The following DNAH6 variants were observed in gnomAD, a reference collection of about 807,000 sequenced individuals.
DNAH6 encodes the protein dynein axonemal heavy chain 6.
In DNAH6, 340 loss-of-function variants were observed where a neutral mutation model predicts 491.4. The observed-to-expected ratio is 0.69, with a 90% CI of 0.63 to 0.76. The LOEUF (loss-of-function observed/expected upper bound fraction) is 0.76. Ranked by LOEUF, DNAH6 falls within the 30% of genes least tolerant of loss-of-function variation. The pLI is 0.00. For missense variants in DNAH6, 4,443 were observed against 4,972.2 expected, an observed-to-expected ratio of 0.89 and a Z score of 3.20; for synonymous variants, 1,603 against 1,686.1, an observed-to-expected ratio of 0.95 and a Z score of 1.21.
intron 31 of DNAH6, among the ~76,000 whole-genome samples, chr2:84,637,775 G>A (rs1178089081): frequency 1.3e-5 from 2 of 152,200 alleles, no homozygotes; most frequent in East Asian, 3.9e-4. Flanking sequence ...TCCTCACTAT[G>A]AAGTGGTTGG....
intron 51 of DNAH6, among the ~76,000 whole-genome samples, chr2:84,705,256 G>T (rs996950648): frequency 2.6e-5 from 4 of 152,164 alleles, no homozygotes; most frequent in Admixed American, 2.0e-4. Context: ...CTGTGATTTT[G>T]TAATTCTTTC....
rs1688671166 is a variant in DNAH6 at position 84,634,342 on chromosome 2, T to G, written c.4516-162T>G. Among the ~76,000 whole-genome samples the G allele has an allele frequency of 2.0e-5, 3 of 152,354 alleles. 1 individual carries two copies. The highest frequency in any genetic ancestry group is 3.4e-3 in the Middle Eastern group (1 of 294). On this transcript the variant is annotated intron_variant, in intron 29 of 76. Coordinates refer to ENST00000389394, the MANE Select transcript of DNAH6 (RefSeq NM_001370.2). ...AGAGACTCAAAAACATATTTCCTCT[T>G]GTAGAAAAGTGTTTACTTCTGACAT...
chr2:84,598,797 C>T (rs113646103), intron 18 of DNAH6, among the ~76,000 whole-genome samples: 6,161 of 152,082 alleles, frequency 0.041, 404 homozygotes, highest in African/African-American at 0.14. Flanking sequence ...TTTGGGAGGC[C>T]GAGGCAGGTG....
At chr2:84,796,470 A>G in intron 69 of DNAH6, 45 bp downstream of exon 69, 1 of 1,447,160 alleles carries the variant, frequency 6.9e-7, no homozygotes, top group Non-Finnish European at 9.2e-7. Flanking sequence ...TCCCAAGAAG[A>G]TGTTGACAGC....
intron 21 of DNAH6, 81 bp from the exon 22 acceptor site, chr2:84,611,593 C>A: frequency 8.3e-7 from 1 of 1,201,190 alleles, no homozygotes; most frequent in Non-Finnish European, 1.2e-6. Context: ...TACAGTGATT[C>A]CCTGTGTCAT....
intron 33 of DNAH6, among the ~76,000 whole-genome samples, chr2:84,643,904 T>TTTTG (rs1169681416): frequency 6.6e-6 from 1 of 152,136 alleles, no homozygotes; most frequent in African/African-American, 2.4e-5. Context: ...TTGTGTTTTT[T>TTTTG]TTTGTTTTAT....
intron 62 of DNAH6, among the ~76,000 whole-genome samples, chr2:84,742,963 T>C (rs1008860291): frequency 1.3e-5 from 2 of 152,246 alleles, no homozygotes; most frequent in Non-Finnish European, 2.9e-5. Flanking sequence ...AATAAATGCA[T>C]TAACTTATTG....
intron 18 of DNAH6, among the ~76,000 whole-genome samples, chr2:84,601,039 C>T (rs139047391): frequency 1.1e-4 from 15 of 142,270 alleles, no homozygotes; most frequent in African/African-American, 3.3e-4. Flanking sequence ...TATTATTATA[C>T]TATAATAATA....
chr2:84,703,989 C>T, intron 50 of DNAH6, 78 bp from the exon 51 acceptor site: 2 of 1,081,008 alleles, frequency 1.9e-6, no homozygotes, highest in Non-Finnish European at 1.3e-6. Flanking sequence ...GCAAATATGA[C>T]TCACTATTAT....
chr2:84,707,870 A>G (rs192187861), intron 54 of DNAH6, among the ~76,000 whole-genome samples, 154 bp downstream of exon 54: 4 of 152,308 alleles, frequency 2.6e-5, no homozygotes, highest in Admixed American at 6.5e-5. Flanking sequence ...TCACTCCCCA[A>G]TAAGCCAGTG....
chr2:84,681,301 A>G, intron 41 of DNAH6, 56 bp from the exon 42 acceptor site: 2 of 1,373,700 alleles, frequency 1.5e-6, no homozygotes, highest in South Asian at 1.6e-5. Flanking sequence ...TATTTAAAAG[A>G]TAGATATTTG....
At chr2:84,644,129 A>G (rs1689673027) in intron 33 of DNAH6, among the ~76,000 whole-genome samples, 2 of 152,170 alleles carry the variant, frequency 1.3e-5, no homozygotes, top group African/African-American at 2.4e-5. Context: ...GGTAGGCTTC[A>G]TAAGTGTTTC....
chr2:84,678,921 C>G (rs1041095092), intron 41 of DNAH6, among the ~76,000 whole-genome samples: 2 of 152,128 alleles, frequency 1.3e-5, no homozygotes, highest in African/African-American at 4.8e-5. Flanking sequence ...GGTATTTTGC[C>G]TGTAGGAAAA....
chr2:84,571,067 A>G (rs1210838925), intron 11 of DNAH6, among the ~76,000 whole-genome samples: 2 of 152,236 alleles, frequency 1.3e-5, no homozygotes, highest in African/African-American at 2.4e-5. Context: ...CGCTGGGACA[A>G]TTTGATCACT....
At chr2:84,523,211 T>A (rs1013048628) in intron 2 of DNAH6, among the ~76,000 whole-genome samples, 6 of 152,126 alleles carry the variant, frequency 3.9e-5, no homozygotes, top group African/African-American at 1.4e-4. Context: ...AATTTATCCA[T>A]CCCCTCTAGG....
At chr2:84,686,659 G>A in intron 44 of DNAH6, 102 bp downstream of exon 44, 1 of 723,602 alleles carries the variant, frequency 1.4e-6, no homozygotes, top group South Asian at 2.2e-5. Flanking sequence ...TGTGTGAGGA[G>A]TTAAGATCTA....
intron 35 of DNAH6, among the ~76,000 whole-genome samples, chr2:84,656,093 TATTC>T (rs2104577959): frequency 6.6e-6 from 1 of 152,276 alleles, no homozygotes; most frequent in African/African-American, 2.4e-5. Context: ...CACTTGGTAA[TATTC>T]ATTTAAGATA....
chr2:84,466,536 A>C, the DNAH6 span, among the ~76,000 whole-genome samples: 1 of 152,238 alleles, frequency 6.6e-6, no homozygotes, highest in East Asian at 1.9e-4. Flanking sequence ...CGATTCTGAA[A>C]AACAAAACAA....
At chr2:84,615,842 C>G (rs1028843684) in intron 22 of DNAH6, among the ~76,000 whole-genome samples, 2 of 151,814 alleles carry the variant, frequency 1.3e-5, no homozygotes, top group Admixed American at 6.6e-5. Context: ...CTTGATTTGA[C>G]TTTCAGCTTG....
Sources: allele counts gnomAD v4.1 joint callset (sites outside exome capture counted in the v4.1 genomes callset), GRCh38; gene constraint gnomAD v4.1.1; transcripts MANE v1.5; gene names NCBI Gene and HGNC (gene_info 2026-07-23, HGNC 2026-07-21).